Variants in EBF1 observed in about 807,000 individuals in gnomAD.
EBF1 encodes the protein EBF transcription factor 1, also known as transcription factor COE1.
In EBF1, 10 loss-of-function variants were observed where a neutral mutation model predicts 68.4. The observed-to-expected ratio is 0.15, with a 90% confidence interval of 0.09 to 0.25. The LOEUF is 0.25. Among genes scored for constraint, EBF1 ranks in the 10% least tolerant of loss-of-function variants. EBF1 has a pLI of 1.00. For synonymous variants in EBF1, 298 were observed against 299.8 expected (o/e 0.99, Z 0.06); for missense variants, 509 against 794.4 (o/e 0.64, Z 4.32).
At chr5:159,033,218 C>G (rs976849051) in intron 6 of EBF1, among the ~76,000 whole-genome samples, 3 of 152,214 alleles carry the variant, frequency 2.0e-5, no homozygotes, top group Non-Finnish European at 4.4e-5. Context: ...TGCAGCCATC[C>G]CTTCCTTCCA....
At chr5:158,699,302 A>G (rs1421022168) in intron 15 of EBF1, among the ~76,000 whole-genome samples, 160 bp from the exon 16 acceptor site, 1 of 152,086 alleles carries the variant, frequency 6.6e-6, no homozygotes, top group Non-Finnish European at 1.5e-5. Flanking sequence ...AATTTTCGTT[A>G]TAAAATATAC....
At chr5:158,842,170 G>T (rs184436428) in intron 6 of EBF1, among the ~76,000 whole-genome samples, 1 of 152,224 alleles carries the variant, frequency 6.6e-6, no homozygotes, top group Non-Finnish European at 1.5e-5. Context: ...AGGAAGGGGG[G>T]TTAAGGGAGT....
intron 5 of EBF1, among the ~76,000 whole-genome samples, chr5:159,083,071 A>G (rs907502754): frequency 6.6e-6 from 1 of 152,212 alleles, no homozygotes; most frequent in Non-Finnish European, 1.5e-5. Context: ...CAGATATGAG[A>G]TGCAAATCTA....
intron 5 of EBF1, among the ~76,000 whole-genome samples, chr5:159,076,099 A>G (rs1307594577): frequency 1.3e-5 from 2 of 150,838 alleles, no homozygotes; most frequent in Non-Finnish European, 3.0e-5. Context: ...ATGTGTGTGT[A>G]TTTTTTGTTA....
At chr5:159,084,917 G>A (rs554319495) in intron 4 of EBF1, among the ~76,000 whole-genome samples, 178 bp from the exon 5 acceptor site, 12 of 152,220 alleles carry the variant, frequency 7.9e-5, no homozygotes, top group African/African-American at 2.4e-4. Context: ...AACCTGAAAG[G>A]CATGTTCCTC....
In EBF1 at chr5:158,842,170, G is replaced by A. The variant is rs184436428; in HGVS notation, c.555-2060C>T. Among the ~76,000 whole-genome samples, 387 of 152,342 alleles carry A rather than the reference G, an allele frequency of 2.5e-3. 5 individuals carry two copies. The highest frequency in any genetic ancestry group is 9.0e-3 in the African/African-American group (373 of 41,560). Reference sequence around the variant, plus strand: ...TGACAGATTTGGTAAAGGAAGGGGGGTTAAGGGAGTGGCCCAAATCCTAAG... The same window carrying A: ...TGACAGATTTGGTAAAGGAAGGGGGATTAAGGGAGTGGCCCAAATCCTAAG... On this transcript the variant is annotated intron_variant, in intron 6 of 15. Transcript: ENST00000313708.
chr5:158,969,916 G>GAAA (rs61157554), intron 6 of EBF1, among the ~76,000 whole-genome samples: 20 of 80,096 alleles, frequency 2.5e-4, no homozygotes, highest in East Asian at 1.9e-3. Flanking sequence ...AAGAAAGAAA[G>GAAA]AAAAAAAAAA....
chr5:159,096,504 C>T, intron 2 of EBF1, 98 bp from the exon 3 acceptor site: 2 of 1,403,214 alleles, frequency 1.4e-6, no homozygotes, highest in Non-Finnish European at 9.9e-7. Flanking sequence ...CAAGCCGGGA[C>T]CCCCGCTGGC....
intron 6 of EBF1, among the ~76,000 whole-genome samples, chr5:158,995,311 T>C (rs1375879501): frequency 6.6e-6 from 1 of 152,220 alleles, no homozygotes; most frequent in Admixed American, 6.5e-5. Flanking sequence ...TACAGTCATA[T>C]TTTATTTAAC....
chr5:158,971,081 C>A (rs1044120037), intron 6 of EBF1, among the ~76,000 whole-genome samples: 2 of 152,220 alleles, frequency 1.3e-5, no homozygotes, highest in African/African-American at 4.8e-5. Context: ...TAGGCCTTTT[C>A]ATCTTCAATT....
At chr5:159,016,990 T>C (rs1383865233) in intron 6 of EBF1, among the ~76,000 whole-genome samples, 1 of 152,232 alleles carries the variant, frequency 6.6e-6, no homozygotes, top group Non-Finnish European at 1.5e-5. Flanking sequence ...ACACATGTAA[T>C]TCAAAATGTT....
chr5:158,845,543 A>G (rs908943871), intron 6 of EBF1, among the ~76,000 whole-genome samples: 3 of 152,182 alleles, frequency 2.0e-5, no homozygotes, highest in Admixed American at 6.5e-5. Context: ...TATTTTCTTC[A>G]TCATTTATCC....
chr5:158,846,719 T>C (rs1300765908), intron 6 of EBF1, among the ~76,000 whole-genome samples: 5 of 152,214 alleles, frequency 3.3e-5, no homozygotes, highest in Admixed American at 2.0e-4. Flanking sequence ...GAAAATCTGA[T>C]ACCCATAAGG....
intron 6 of EBF1, among the ~76,000 whole-genome samples, chr5:158,875,567 T>C (rs1408552727): frequency 1.3e-5 from 2 of 152,226 alleles, no homozygotes; most frequent in Non-Finnish European, 2.9e-5. Context: ...AACAAGCTAC[T>C]ATATTTAAAA....
chr5:158,857,873 A>C (rs538374178), intron 6 of EBF1, among the ~76,000 whole-genome samples: 11 of 152,326 alleles, frequency 7.2e-5, no homozygotes, highest in African/African-American at 2.2e-4. Flanking sequence ...CACATAATTA[A>C]CAGAATTTAT....
intron 10 of EBF1, among the ~76,000 whole-genome samples, chr5:158,776,976 G>C (rs1775422996): frequency 6.6e-6 from 1 of 152,128 alleles, no homozygotes; most frequent in Non-Finnish European, 1.5e-5. Context: ...TGGAAAGAAG[G>C]CACCAACCCA....
intron 6 of EBF1, among the ~76,000 whole-genome samples, chr5:159,002,342 T>C (rs768502145): frequency 2.0e-5 from 3 of 152,206 alleles, no homozygotes; most frequent in Non-Finnish European, 2.9e-5. Flanking sequence ...CAAAAGTATT[T>C]TGCCAATGAA....
intron 6 of EBF1, among the ~76,000 whole-genome samples, chr5:158,977,848 C>T (rs1757095494): frequency 6.6e-6 from 1 of 152,140 alleles, no homozygotes; most frequent in Admixed American, 6.5e-5. Context: ...TCAACCCGCC[C>T]TGCCTTAGGA....
intron 6 of EBF1, among the ~76,000 whole-genome samples, chr5:158,878,163 A>G (rs934031393): frequency 6.6e-6 from 1 of 152,074 alleles, no homozygotes; most frequent in Non-Finnish European, 1.5e-5. Context: ...TAAATCACCT[A>G]TGACTTTGCA....
Sources: allele counts gnomAD v4.1 joint callset (sites outside exome capture counted in the v4.1 genomes callset), GRCh38; gene constraint gnomAD v4.1.1; transcripts MANE v1.5; gene names NCBI Gene and HGNC (gene_info 2026-07-23, HGNC 2026-07-21).